Variants in SUN5 observed in about 807,000 individuals in gnomAD.
The protein encoded by SUN5 is SUN domain-containing protein 5.
Under a neutral mutation model 53.7 loss-of-function variants are expected in SUN5, and 44 were observed. That is an observed-to-expected ratio of 0.82 (90% CI 0.64 to 1.05). SUN5 has a LOEUF of 1.05. Among genes scored for constraint, SUN5 ranks in the 50% least tolerant of loss-of-function variants. SUN5 has a pLI of 0.00. For missense variants in SUN5, 433 were observed against 483.8 expected, an observed-to-expected ratio of 0.90 and a Z score of 0.98; for synonymous variants, 166 against 179.8, an observed-to-expected ratio of 0.92 and a Z score of 0.62.
intron 8 of SUN5, among the ~76,000 whole-genome samples, chr20:32,993,087 G>GAA (rs11481491): frequency 2.0e-5 from 3 of 152,014 alleles, no homozygotes; most frequent in African/African-American, 7.3e-5. Flanking sequence ...CCAATGATAT[G>GAA]AAAAAAATTA....
At chr20:33,001,641 T>TTCTCCCTC (rs1990040530) in intron 3 of SUN5, among the ~76,000 whole-genome samples, 1 of 67,444 alleles carries the variant, frequency 1.5e-5, no homozygotes, top group Non-Finnish European at 3.1e-5. Flanking sequence ...TTCTTTCTTT[T>TTCTCCCTC]CCTCCCTCCC....
intron 8 of SUN5, among the ~76,000 whole-genome samples, chr20:32,990,919 T>TCTTG (rs1401659294): frequency 2.6e-5 from 4 of 152,176 alleles, no homozygotes; most frequent in Non-Finnish European, 5.9e-5. Flanking sequence ...GTGGCAATGG[T>TCTTG]AACTAGAACA....
chr20:32,996,959 G>C (rs1989867601), intron 6 of SUN5, among the ~76,000 whole-genome samples: 1 of 152,166 alleles, frequency 6.6e-6, no homozygotes, highest in Non-Finnish European at 1.5e-5. Context: ...ACTAAACATT[G>C]CTGGGGTGAA....
intron 4 of SUN5, 101 bp from the exon 5 acceptor site, chr20:33,000,236 C>T: frequency 3.6e-6 from 5 of 1,373,464 alleles, no homozygotes; most frequent in Non-Finnish European, 4.9e-6. Context: ...ATGCTGTTTG[C>T]CCTATCCCTT....
intron 10 of SUN5, 78 bp downstream of exon 10, chr20:32,987,582 T>G: frequency 2.7e-6 from 1 of 373,250 alleles, no homozygotes; most frequent in Non-Finnish European, 3.8e-6. Flanking sequence ...ACCCCCTACC[T>G]CTTCTGCCAG....
Position 32,983,843 on chromosome 20 carries a change from G to A in SUN5, c.1091C>T (p.Ala364Val), listed in dbSNP as rs1250651659. The change falls in exon 13 of 13, where the codon GCC becomes GTC. Residue 364 changes from alanine (A) to valine (V), a missense_variant. By Grantham distance (64) the Ala-to-Val change is moderately conservative (BLOSUM62 0). Transcript: ENST00000356173. ...CTGGTGAGGCTGCTCTCTGGGCGGG[G>A]CCACAGAGCCATGCACTCGCACGCG... is the stretch of plus-strand genomic sequence containing the variant. ...LYRVRVHGSV[A>V]PPREQPHQNP... 14 of 1,587,574 alleles carry A rather than the reference G, an allele frequency of 8.8e-6. No individual in the cohort carries two copies. The Admixed American group carries it at 2.3e-4, about 26-fold the overall frequency.
intron 9 of SUN5, 58 bp from the exon 10 acceptor site, chr20:32,987,833 C>T (rs942445417): frequency 1.8e-5 from 25 of 1,402,508 alleles, no homozygotes; most frequent in South Asian, 1.1e-4. Context: ...GTGGAGGGGA[C>T]GCCACTGATG....
intron 9 of SUN5, among the ~76,000 whole-genome samples, chr20:32,988,840 C>T (rs11696806): frequency 0.019 from 2,872 of 152,122 alleles, 42 homozygotes; most frequent in Non-Finnish European, 0.028. Context: ...CCGCCTTCCT[C>T]GGCCTCCCAA....
Position 33,002,908 on chromosome 20 carries a change from C to T in SUN5, c.89G>A (p.Arg30Gln), listed in dbSNP as rs749321471. ...TGCCATCCTGCTGGTGTTCCGGCCTCGCTGGGCAATCCTGGGGATGATAAG... is the reference window on the plus strand; with the variant it reads ...TGCCATCCTGCTGGTGTTCCGGCCTTGCTGGGCAATCCTGGGGATGATAAG... ...HNPRPRRIAQ[R>Q]GRNTSRMAED... is the part of the protein sequence containing the mutation. The change falls in exon 2 of 13, where the codon CGA (arginine) becomes CAA (glutamine). Residue 30 changes from arginine (R) to glutamine (Q), a missense_variant. By Grantham distance (43) the Arg-to-Gln change is conservative (BLOSUM62 1). Transcript: ENST00000356173. 62 of 1,614,136 alleles carry T rather than the reference C, an allele frequency of 3.8e-5. No homozygotes were observed. Among genetic ancestry groups the T allele is most frequent in the South Asian group, 3.4e-4 (31 of 91,072 alleles).
At chr20:33,003,453 T>C (rs1990108378) in intron 1 of SUN5, among the ~76,000 whole-genome samples, 1 of 152,142 alleles carries the variant, frequency 6.6e-6, no homozygotes, top group Non-Finnish European at 1.5e-5. Flanking sequence ...GGCCATCTTG[T>C]GACCATGAGA....
intron 6 of SUN5, 120 bp downstream of exon 6, chr20:32,997,518 G>A (rs1329872584): frequency 3.0e-6 from 3 of 1,003,230 alleles, no homozygotes; most frequent in East Asian, 2.5e-5. Context: ...TTGGATCTGG[G>A]TCAAGTCAGG....
chr20:32,994,791 C>CAGGAGGCCG (rs11472969), intron 8 of SUN5, among the ~76,000 whole-genome samples: 51,920 of 151,216 alleles, frequency 0.34, 9,564 homozygotes, highest in East Asian at 0.79. Flanking sequence ...CCCAGCTACT[C>CAGGAGGCCG]AGGTGTAGGA....
At chr20:33,003,046 G>T in intron 1 of SUN5, 127 bp from the exon 2 acceptor site, 2 of 1,064,140 alleles carry the variant, frequency 1.9e-6, no homozygotes, top group Non-Finnish European at 2.8e-6. Flanking sequence ...CCACCAGCCT[G>T]TGATTCAGGG....
intron 3 of SUN5, 119 bp downstream of exon 3, chr20:33,002,468 C>A: frequency 4.3e-6 from 4 of 928,436 alleles, no homozygotes; most frequent in Non-Finnish European, 6.9e-6. Context: ...ACCTGCAGCT[C>A]CCCACCACCC....
At chr20:33,001,716 T>G (rs1278134225) in intron 3 of SUN5, among the ~76,000 whole-genome samples, 1 of 121,254 alleles carries the variant, frequency 8.2e-6, no homozygotes, top group East Asian at 2.7e-4. Context: ...TCACCCAGGC[T>G]GGAGTGCAGT....
chr20:33,002,449 C>T (rs760488951), intron 3 of SUN5, 138 bp downstream of exon 3: 15 of 779,878 alleles, frequency 1.9e-5, no homozygotes, highest in Non-Finnish European at 2.8e-5. Flanking sequence ...GGTAGAACTC[C>T]AGAGTTCAAC....
intron 10 of SUN5, 58 bp downstream of exon 10, chr20:32,987,602 C>T (rs999805574): frequency 4.1e-6 from 6 of 1,471,622 alleles, no homozygotes; most frequent in South Asian, 2.5e-5. Context: ...GCTCCTGTCC[C>T]CAAACCCTGC....
chr20:32,999,707 A>C (rs1600500724), intron 5 of SUN5: 3 of 509,078 alleles, frequency 5.9e-6, no homozygotes, highest in East Asian at 3.8e-5. Context: ...TCCCTACCCC[A>C]CCCCCAGCCT....
intron 3 of SUN5, among the ~76,000 whole-genome samples, chr20:33,001,563 T>TTTCTTTCTTTC (rs764253037): frequency 3.3e-5 from 3 of 91,252 alleles, no homozygotes; most frequent in Admixed American, 1.0e-4. Context: ...TCTTTCTTTC[T>TTTCTTTCTTTC]TTTCTTCCTT....
Sources: allele counts gnomAD v4.1 joint callset (sites outside exome capture counted in the v4.1 genomes callset), GRCh38; gene constraint gnomAD v4.1.1; transcripts MANE v1.5; gene names NCBI Gene and HGNC (gene_info 2026-07-23, HGNC 2026-07-21).